Variants in GSG1L observed in about 807,000 individuals in gnomAD.
GSG1L encodes GSG1 like.
In GSG1L, 24 loss-of-function variants were observed where a neutral mutation model predicts 42.1. The observed-to-expected ratio is 0.57, with a 90% CI of 0.41 to 0.80. GSG1L has a LOEUF of 0.80. Among genes scored for constraint, GSG1L ranks in the 30% least tolerant of loss-of-function variants. The probability of loss-of-function intolerance (pLI) is 0.00; values close to 1 mark genes in which losing one functional copy is unlikely to be tolerated. For missense variants in GSG1L, 445 were observed against 472.2 expected (o/e 0.94, Z 0.53); for synonymous variants, 215 against 203.5 (o/e 1.06, Z -0.48).
chr16:27,806,508 G>C (rs2082964479), intron 6 of GSG1L, among the ~76,000 whole-genome samples: 1 of 152,218 alleles, frequency 6.6e-6, no homozygotes, highest in Admixed American at 6.5e-5. Flanking sequence ...AAGTGGGACA[G>C]GGATGGGAGG....
rs539143438 is a variant in GSG1L at position 27,987,028 on chromosome 16, C to T, written c.350-23825G>A. On this transcript the variant is annotated intron_variant, in intron 1 of 6. Coordinates refer to ENST00000447459, the MANE Select transcript of GSG1L (RefSeq NM_001109763.2). ...GGTCAGGAGTTCGAGACCCACCTGG[C>T]CAACATGGTGAAACCCCGTCTCTAC... 1.4e-4 allele frequency among the ~76,000 whole-genome samples: 21 copies of T among 152,234 alleles called. No individual in the cohort carries two copies. In the South Asian group the frequency reaches 3.1e-3, roughly 23 times the overall value.
At chr16:27,912,963 A>C (rs114623901) in intron 2 of GSG1L, among the ~76,000 whole-genome samples, 5,514 of 152,134 alleles carry the variant, frequency 0.036, 168 homozygotes, top group African/African-American at 0.075. Flanking sequence ...ACATGGCAGA[A>C]TCTTTATTTT....
chr16:27,903,856 C>T (rs1596600748), intron 2 of GSG1L, among the ~76,000 whole-genome samples: 1 of 152,092 alleles, frequency 6.6e-6, no homozygotes, highest in South Asian at 2.1e-4. Flanking sequence ...CCAGCTGACT[C>T]GGCATTCACT....
At chr16:27,938,066 G>A (rs2084739260) in intron 2 of GSG1L, among the ~76,000 whole-genome samples, 1 of 152,090 alleles carries the variant, frequency 6.6e-6, no homozygotes, top group Non-Finnish European at 1.5e-5. Context: ...TGGTCCAGTT[G>A]GAGCCGGGTC....
intron 4 of GSG1L, among the ~76,000 whole-genome samples, chr16:27,833,335 T>C (rs1406816080): frequency 6.6e-6 from 1 of 152,198 alleles, no homozygotes; most frequent in East Asian, 1.9e-4. Context: ...TTCTCTATTT[T>C]TTTTTTCATT....
At chr16:27,824,558 A>G (rs1031397252) in intron 5 of GSG1L, among the ~76,000 whole-genome samples, 9 of 152,032 alleles carry the variant, frequency 5.9e-5, no homozygotes, top group African/African-American at 2.2e-4. Flanking sequence ...AAAAAAAAAG[A>G]AAAAAGGAAA....
chr16:27,819,972 G>T (rs1389874083), intron 5 of GSG1L, among the ~76,000 whole-genome samples: 1 of 152,182 alleles, frequency 6.6e-6, no homozygotes, highest in Non-Finnish European at 1.5e-5. Flanking sequence ...GAAAAAGGAA[G>T]GAGACATAAA....
chr16:27,911,440 G>A (rs573599733), intron 2 of GSG1L, among the ~76,000 whole-genome samples: 5 of 152,192 alleles, frequency 3.3e-5, no homozygotes, highest in South Asian at 2.1e-4. Flanking sequence ...ACAGGCGCCC[G>A]CCACCACACC....
At chr16:27,947,521 AAAAGAAAGAAAGAATGAAGGAAAG>A (rs1176344195) in intron 2 of GSG1L, among the ~76,000 whole-genome samples, 106 of 145,550 alleles carry the variant, frequency 7.3e-4, no homozygotes, top group African/African-American at 2.6e-3. Flanking sequence ...GAAAGAAAGA[AAAAGAAAGAAAGAATGAAGGAAAG>A]AAAGAAAGAA....
intron 1 of GSG1L, among the ~76,000 whole-genome samples, chr16:27,965,331 A>G (rs1288237535): frequency 6.6e-6 from 1 of 152,116 alleles, no homozygotes; most frequent in Non-Finnish European, 1.5e-5. Flanking sequence ...TTTTAATTTA[A>G]ATAAAATTTA....
At chr16:27,987,468 C>T (rs1261428702) in intron 1 of GSG1L, among the ~76,000 whole-genome samples, 1 of 152,100 alleles carries the variant, frequency 6.6e-6, no homozygotes, top group Non-Finnish European at 1.5e-5. Flanking sequence ...TGGAGGTCTC[C>T]CTGCCCCTGC....
At chr16:27,852,412 C>T (rs2083525471) in intron 3 of GSG1L, among the ~76,000 whole-genome samples, 1 of 151,906 alleles carries the variant, frequency 6.6e-6, no homozygotes, top group South Asian at 2.1e-4. Flanking sequence ...GGCAGACACA[C>T]AGGCTGGGCA....
intron 1 of GSG1L, among the ~76,000 whole-genome samples, chr16:28,011,425 C>T (rs1254121673): frequency 6.6e-6 from 1 of 152,180 alleles, no homozygotes; most frequent in Non-Finnish European, 1.5e-5. Flanking sequence ...CACACTGCCT[C>T]GGCGGTCAGG....
intron 2 of GSG1L, among the ~76,000 whole-genome samples, chr16:27,893,904 C>A (rs1359718300): frequency 1.3e-5 from 2 of 152,220 alleles, no homozygotes; most frequent in East Asian, 3.8e-4. Flanking sequence ...AAGCATGCAC[C>A]ACTACATGCA....
At chr16:27,838,498 T>G (rs970798411) in intron 4 of GSG1L, among the ~76,000 whole-genome samples, 3 of 152,142 alleles carry the variant, frequency 2.0e-5, no homozygotes, top group Non-Finnish European at 4.4e-5. Flanking sequence ...AAGAGCAGAT[T>G]GGACACCATA....
chr16:27,867,740 C>G (rs952754331), intron 3 of GSG1L, among the ~76,000 whole-genome samples: 11 of 152,142 alleles, frequency 7.2e-5, no homozygotes, highest in Non-Finnish European at 1.5e-5. Context: ...TGCAGCGCAC[C>G]CACCCTGAGG....
chr16:27,887,395 G>A (rs564148293), intron 2 of GSG1L, among the ~76,000 whole-genome samples: 165 of 152,320 alleles, frequency 1.1e-3, no homozygotes, highest in African/African-American at 3.6e-3. Context: ...GGAAGATTGC[G>A]TCCTGATGAC....
chr16:27,803,766 C>CATAT (rs3047681), intron 6 of GSG1L, among the ~76,000 whole-genome samples: 1,933 of 117,446 alleles, frequency 0.016, 20 homozygotes, highest in African/African-American at 0.026. Context: ...ACAGTGCAGA[C>CATAT]ATATATATAT....
At chr16:27,983,883 T>C (rs1370437988) in intron 1 of GSG1L, among the ~76,000 whole-genome samples, 1 of 152,070 alleles carries the variant, frequency 6.6e-6, no homozygotes, top group Non-Finnish European at 1.5e-5. Context: ...AGTGACACCA[T>C]CTTGAAGTGA....
Sources: gnomAD v4.1 joint callset for allele counts (sites outside exome capture counted in the v4.1 genomes callset) on GRCh38, gnomAD v4.1.1 for gene constraint, MANE v1.5 for transcripts, NCBI Gene and HGNC (gene_info 2026-07-23, HGNC 2026-07-21) for gene names.